The following PCSK5 variants were observed in gnomAD, a reference collection of about 807,000 sequenced individuals.
PCSK5 encodes the protein proprotein convertase subtilisin/kexin type 5, also known as prohormone convertase 5.
Under a neutral mutation model 233.2 loss-of-function variants are expected in PCSK5, and 129 were observed. That is an observed-to-expected ratio of 0.55 (90% CI 0.48 to 0.64). The LOEUF (loss-of-function observed/expected upper bound fraction) is 0.64, where lower values mean the gene tolerates loss of function less well. Ranked by LOEUF, PCSK5 falls within the 30% of genes least tolerant of loss-of-function variation. The probability of loss-of-function intolerance (pLI) is 0.00; values close to 1 mark genes in which losing one functional copy is unlikely to be tolerated. For synonymous variants in PCSK5, 825 were observed against 879.2 expected, an observed-to-expected ratio of 0.94 and a Z score of 1.09; for missense variants, 2,076 against 2,430.1, an observed-to-expected ratio of 0.85 and a Z score of 3.06.
chr9:76,244,385 T>C (rs1414525243), intron 24 of PCSK5, among the ~76,000 whole-genome samples: 1 of 152,192 alleles, frequency 6.6e-6, no homozygotes, highest in African/African-American at 2.4e-5. Context: ...CCAAGATTCC[T>C]CCTGTGAGAA....
At chr9:75,904,242 C>T (rs1274642737) in intron 1 of PCSK5, among the ~76,000 whole-genome samples, 1 of 152,088 alleles carries the variant, frequency 6.6e-6, no homozygotes, top group Non-Finnish European at 1.5e-5. Context: ...ATGAATTTGT[C>T]ACATATTTAT....
chr9:76,213,117 G>A (rs994518309), intron 20 of PCSK5, among the ~76,000 whole-genome samples: 3 of 152,260 alleles, frequency 2.0e-5, no homozygotes, highest in Non-Finnish European at 4.4e-5. Flanking sequence ...GGGTTTCACC[G>A]ACCTACTCAA....
At chr9:76,171,935 G>T (rs953371300) in intron 13 of PCSK5, among the ~76,000 whole-genome samples, 8 of 151,996 alleles carry the variant, frequency 5.3e-5, no homozygotes, top group Non-Finnish European at 1.2e-4. Context: ...TTATGGGTGG[G>T]GGGGTGTGTG....
chr9:76,071,010 A>G (rs1001318599), intron 6 of PCSK5, among the ~76,000 whole-genome samples: 26 of 152,292 alleles, frequency 1.7e-4, no homozygotes, highest in African/African-American at 6.0e-4. Flanking sequence ...GGAAAAAAGG[A>G]AAGCCTGACA....
rs1257699859 is a variant in PCSK5, at chr9:75,932,400, T to C, written c.214T>C (p.Tyr72His). ...GCAGATAGGGGCCCTGAAGGACTAC[T>C]ACCACTTCTACCATAGCAGGACGAT... ...IGQIGALKDYYHFYHSRTIKR... is the reference protein window; with the variant it reads ...IGQIGALKDYHHFYHSRTIKR... Residue 72 changes from tyrosine (Y) to histidine (H), a missense_variant, in exon 2 of 38, where the codon TAC becomes CAC. Transcript: ENST00000674117. 6.2e-7 allele frequency: 1 copy of C among 1,611,508 alleles called. No individual in the cohort carries two copies. The highest frequency in any genetic ancestry group is 1.7e-5 in the Admixed American group (1 of 59,996).
chr9:76,158,168 A>G (rs797015039), intron 11 of PCSK5, among the ~76,000 whole-genome samples: 1 of 152,248 alleles, frequency 6.6e-6, no homozygotes, highest in Non-Finnish European at 1.5e-5. Flanking sequence ...AATAATAAGT[A>G]TATAATTACA....
intron 9 of PCSK5, among the ~76,000 whole-genome samples, chr9:76,114,415 T>C (rs1191122230): frequency 6.6e-6 from 1 of 152,096 alleles, no homozygotes; most frequent in Non-Finnish European, 1.5e-5. Flanking sequence ...CCTTCTCAAG[T>C]TCAAATTATG....
chr9:75,982,356 C>T (rs1054387650), intron 2 of PCSK5, among the ~76,000 whole-genome samples: 5 of 152,146 alleles, frequency 3.3e-5, no homozygotes, highest in Admixed American at 1.3e-4. Context: ...TTACTTCTTT[C>T]GTCCTTTTTA....
intron 33 of PCSK5, among the ~76,000 whole-genome samples, chr9:76,330,842 T>C (rs1475967838): frequency 2.0e-5 from 3 of 152,092 alleles, no homozygotes; most frequent in African/African-American, 2.4e-5. Flanking sequence ...TTCCCAGCAG[T>C]TGCTGCTTCA....
intron 24 of PCSK5, among the ~76,000 whole-genome samples, chr9:76,250,537 A>C (rs1349662775): frequency 2.6e-5 from 4 of 152,192 alleles, no homozygotes; most frequent in Non-Finnish European, 5.9e-5. Context: ...TCTGCCAAAA[A>C]ACCATGACCC....
At chr9:76,268,537 G>C (rs567347987) in intron 24 of PCSK5, among the ~76,000 whole-genome samples, 1 of 151,998 alleles carries the variant, frequency 6.6e-6, no homozygotes, top group African/African-American at 2.4e-5. Flanking sequence ...AGAAGATACA[G>C]TTTTAATCTT....
At chr9:76,318,995 AC>A (rs1829112138) in intron 30 of PCSK5, among the ~76,000 whole-genome samples, 2 of 152,218 alleles carry the variant, frequency 1.3e-5, no homozygotes, top group Non-Finnish European at 2.9e-5. Flanking sequence ...AAGAATATGA[AC>A]CCCAAATATC....
chr9:76,095,231 A>C (rs2131648113), intron 7 of PCSK5, among the ~76,000 whole-genome samples: 1 of 152,344 alleles, frequency 6.6e-6, no homozygotes, highest in South Asian at 2.1e-4. Flanking sequence ...TGGGAAGATC[A>C]GTTCTATAGA....
At chr9:76,074,802 A>G (rs749217696) in intron 7 of PCSK5, among the ~76,000 whole-genome samples, 3 of 152,222 alleles carry the variant, frequency 2.0e-5, no homozygotes, top group Non-Finnish European at 4.4e-5. Context: ...CAGAGAAAAG[A>G]TCATGTCCTC....
intron 5 of PCSK5, among the ~76,000 whole-genome samples, chr9:76,063,319 C>CTTTTTTTTTTT (rs1157596601): frequency 2.7e-4 from 16 of 59,712 alleles, no homozygotes; most frequent in South Asian, 8.6e-4. Flanking sequence ...TTTCTTTTTT[C>CTTTTTTTTTTT]TTTTTTTTTT....
chr9:76,209,423 G>A (rs2131282820), intron 20 of PCSK5: 1 of 465,682 alleles, frequency 2.1e-6, no homozygotes, highest in Non-Finnish European at 4.3e-6. Flanking sequence ...TATATCTCCT[G>A]TGTTATGATG....
chr9:76,045,582 C>T (rs1422005841), intron 5 of PCSK5, among the ~76,000 whole-genome samples: 1 of 152,216 alleles, frequency 6.6e-6, no homozygotes, highest in African/African-American at 2.4e-5. Context: ...GAAAAGGACA[C>T]AGTTTTATGA....
chr9:76,087,337 A>G (rs1012620970), intron 7 of PCSK5, among the ~76,000 whole-genome samples: 2 of 152,210 alleles, frequency 1.3e-5, no homozygotes, highest in African/African-American at 4.8e-5. Context: ...CTATTCACAC[A>G]ATAAACATAA....
chr9:76,320,364 AG>A (rs1829156401), intron 30 of PCSK5, among the ~76,000 whole-genome samples: 2 of 140,712 alleles, frequency 1.4e-5, no homozygotes. Flanking sequence ...TGGGAGGCAG[AG>A]GTTGTGGTGA....
Sources: gnomAD v4.1 joint callset for allele counts (sites outside exome capture counted in the v4.1 genomes callset) on GRCh38, gnomAD v4.1.1 for gene constraint, MANE v1.5 for transcripts, NCBI Gene and HGNC (gene_info 2026-07-23, HGNC 2026-07-21) for gene names.